Variants in PDE3A observed in about 807,000 individuals in gnomAD.
PDE3A encodes the protein cGMP-inhibited 3',5'-cyclic phosphodiesterase 3A.
A neutral mutation model predicts 98.3 loss-of-function variants in PDE3A; 43 were observed. The ratio of observed to expected loss-of-function variants is 0.44; its 90% confidence interval spans 0.34 to 0.56. The LOEUF (loss-of-function observed/expected upper bound fraction) is 0.56. Among genes scored for constraint, PDE3A ranks in the 20% least tolerant of loss-of-function variants. The pLI is 0.01. For synonymous variants in PDE3A, 663 were observed against 567.9 expected, an observed-to-expected ratio of 1.17 and a Z score of -2.38; for missense variants, 1,427 against 1,440.7, an observed-to-expected ratio of 0.99 and a Z score of 0.15.
intron 2 of PDE3A, among the ~76,000 whole-genome samples, chr12:20,605,969 T>C (rs547166401): frequency 7.9e-5 from 12 of 152,324 alleles, no homozygotes; most frequent in African/African-American, 2.9e-4. Flanking sequence ...GTTATCAATT[T>C]AATCTGTGAT....
At chr12:20,512,636 C>A (rs917946258) in intron 1 of PDE3A, among the ~76,000 whole-genome samples, 1 of 152,064 alleles carries the variant, frequency 6.6e-6, no homozygotes, top group Non-Finnish European at 1.5e-5. Context: ...TCTGGCAGAA[C>A]ATAAGACATT....
At position 20,516,656 on chromosome 12, in the gene PDE3A, ATATGTT is replaced by A. The variant is rs1406047566; in HGVS notation, c.961-40000_961-39995del. On this transcript the variant is annotated intron_variant, in intron 1 of 15. Transcript: ENST00000359062. Reference sequence around the variant, plus strand: ...TTCACTGCGATTAATTTAATAGTGAATATGTTTATAAAAGTCTGATTCTAGAGACAG... The same window carrying A: ...TTCACTGCGATTAATTTAATAGTGAATATAAAAGTCTGATTCTAGAGACAG... 3.9e-5 allele frequency among the ~76,000 whole-genome samples: 6 copies of A among 152,298 alleles called. No homozygotes were observed. The East Asian group carries it at 1.2e-3, about 29-fold the overall frequency.
chr12:20,668,850 A>G (rs1226441869), intron 15 of PDE3A, among the ~76,000 whole-genome samples: 1 of 151,680 alleles, frequency 6.6e-6, no homozygotes, highest in East Asian at 1.9e-4. Flanking sequence ...CTAGATGGAG[A>G]ATGACTTTGA....
intron 1 of PDE3A, among the ~76,000 whole-genome samples, chr12:20,489,854 A>C (rs529303373): frequency 8.8e-4 from 134 of 152,236 alleles, no homozygotes; most frequent in African/African-American, 3.0e-3. Context: ...TTTTTCCCAC[A>C]TGTTTGCTCA....
intron 12 of PDE3A, 55 bp from the exon 13 acceptor site, chr12:20,648,633 A>G (rs1439335406): frequency 8.9e-7 from 1 of 1,121,958 alleles, no homozygotes; most frequent in Admixed American, 1.7e-5. Flanking sequence ...TATTCTCATG[A>G]TTTTTGTGAT....
chr12:20,635,547 C>T (rs1944485612), intron 8 of PDE3A, among the ~76,000 whole-genome samples: 1 of 149,176 alleles, frequency 6.7e-6, no homozygotes, highest in Admixed American at 6.7e-5. Flanking sequence ...CATTGCACTC[C>T]AGCCTGCGCA....
intron 1 of PDE3A, among the ~76,000 whole-genome samples, chr12:20,551,394 T>TAA (rs149223338): frequency 3.0e-4 from 44 of 145,286 alleles, no homozygotes; most frequent in Non-Finnish European, 3.8e-4. Context: ...TCTTTTGTAA[T>TAA]AAAAAAAAAA....
intron 5 of PDE3A, 104 bp downstream of exon 5, chr12:20,621,515 A>G (rs1227617928): frequency 4.6e-6 from 3 of 652,528 alleles, no homozygotes; most frequent in Non-Finnish European, 8.2e-6. Flanking sequence ...ATATTCAGAT[A>G]TGTTTGGTTT....
At chr12:20,441,678 G>A (rs1944873101) in intron 1 of PDE3A, among the ~76,000 whole-genome samples, 1 of 152,140 alleles carries the variant, frequency 6.6e-6, no homozygotes, top group African/African-American at 2.4e-5. Context: ...GTACTACAGG[G>A]AAGGATGGAT....
At chr12:20,372,383 A>T (rs1304649261) in intron 1 of PDE3A, among the ~76,000 whole-genome samples, 1 of 152,070 alleles carries the variant, frequency 6.6e-6, no homozygotes, top group African/African-American at 2.4e-5. Flanking sequence ...AGAAATTGAG[A>T]TACTTGAAGT....
chr12:20,391,486 C>G (rs1273443889), intron 1 of PDE3A, among the ~76,000 whole-genome samples: 3 of 150,658 alleles, frequency 2.0e-5, no homozygotes, highest in African/African-American at 7.3e-5. Flanking sequence ...ACTGTTGATT[C>G]TTTGCTCACA....
chr12:20,678,496 G>A (rs72658756), intron 15 of PDE3A, among the ~76,000 whole-genome samples: 6,495 of 152,034 alleles, frequency 0.043, 244 homozygotes, highest in African/African-American at 0.093. Context: ...TTTGTTAGAA[G>A]TTATAAAATT....
At chr12:20,493,498 G>A (rs1945863251) in intron 1 of PDE3A, among the ~76,000 whole-genome samples, 1 of 152,130 alleles carries the variant, frequency 6.6e-6, no homozygotes, top group Admixed American at 6.6e-5. Context: ...ATTTATCTAT[G>A]AGGGTCCTAG....
intron 6 of PDE3A, among the ~76,000 whole-genome samples, chr12:20,631,167 C>T (rs1565456030): frequency 6.6e-6 from 1 of 152,096 alleles, no homozygotes; most frequent in African/African-American, 2.4e-5. Context: ...TGCCCAGAGC[C>T]AAAGTTATTC....
intron 1 of PDE3A, among the ~76,000 whole-genome samples, chr12:20,473,281 C>G (rs1374553795): frequency 6.6e-6 from 1 of 152,148 alleles, no homozygotes; most frequent in Admixed American, 6.6e-5. Context: ...AACTTACAGT[C>G]CCTTGTCGAG....
intron 1 of PDE3A, among the ~76,000 whole-genome samples, chr12:20,477,232 C>A (rs1945546847): frequency 6.6e-6 from 1 of 152,132 alleles, no homozygotes; most frequent in African/African-American, 2.4e-5. Context: ...ACAAAGAAAT[C>A]CTATGCATTT....
chr12:20,573,324 CCT>C (rs1358788948), intron 2 of PDE3A, among the ~76,000 whole-genome samples: 9 of 151,852 alleles, frequency 5.9e-5, no homozygotes, highest in African/African-American at 2.2e-4. Flanking sequence ...TGGGGCATCT[CCT>C]GTGTGTAGGC....
At chr12:20,664,375 T>C (rs1323415659) in intron 15 of PDE3A, among the ~76,000 whole-genome samples, 1 of 152,152 alleles carries the variant, frequency 6.6e-6, no homozygotes, top group African/African-American at 2.4e-5. Flanking sequence ...TTCTGGTTGC[T>C]TGGAAAAGAA....
chr12:20,650,863 G>C (rs552382311), intron 14 of PDE3A, among the ~76,000 whole-genome samples: 85 of 152,172 alleles, frequency 5.6e-4, no homozygotes, highest in African/African-American at 1.9e-3. Flanking sequence ...TCAGATGTTA[G>C]GAAGATCCTT....
Sources: allele counts gnomAD v4.1 joint callset (sites outside exome capture counted in the v4.1 genomes callset), GRCh38; gene constraint gnomAD v4.1.1; transcripts MANE v1.5; gene names NCBI Gene and HGNC (gene_info 2026-07-23, HGNC 2026-07-21).